ADGRV1: variants seen among roughly 807,000 people sequenced by gnomAD.
ADGRV1 encodes adhesion G protein-coupled receptor V1, also known as G-protein coupled receptor 98.
In ADGRV1, 359 loss-of-function variants were observed where a neutral mutation model predicts 596.2. The observed-to-expected ratio is 0.60, with a 90% CI of 0.55 to 0.66. The LOEUF (loss-of-function observed/expected upper bound fraction) is 0.66. ADGRV1 is among the 30% of genes least tolerant of loss of function. ADGRV1 has a pLI of 0.00. For missense variants in ADGRV1, 7,274 were observed against 7,575.6 expected (o/e 0.96, Z 1.48); for synonymous variants, 2,681 against 2,679.2 (o/e 1.00, Z -0.02).
intron 87 of ADGRV1, among the ~76,000 whole-genome samples, chr5:91,108,468 T>TG (rs70973730): frequency 0.78 from 118,438 of 152,082 alleles, 46,190 homozygotes; most frequent in South Asian, 0.83. Flanking sequence ...GCTCTAAAAC[T>TG]ATGATTGAAA....
At chr5:91,027,531 C>A (rs148121172) in intron 85 of ADGRV1, among the ~76,000 whole-genome samples, 1 of 152,220 alleles carries the variant, frequency 6.6e-6, no homozygotes, top group Non-Finnish European at 1.5e-5. Context: ...AGGACAGGCA[C>A]TCTGGAAGGA....
intron 83 of ADGRV1, among the ~76,000 whole-genome samples, chr5:90,903,488 T>C (rs2150651668): frequency 6.6e-6 from 1 of 152,178 alleles, no homozygotes; most frequent in Middle Eastern, 3.4e-3. Context: ...TTATTATTTT[T>C]GGATTAGTGA....
intron 83 of ADGRV1, among the ~76,000 whole-genome samples, chr5:90,901,359 G>C (rs190076928): frequency 6.6e-6 from 1 of 152,164 alleles, no homozygotes; most frequent in East Asian, 1.9e-4. Context: ...ATGGAAGTGA[G>C]ATATGAGTAT....
intron 1 of ADGRV1, among the ~76,000 whole-genome samples, chr5:90,595,104 G>C (rs867962399): frequency 7.5e-6 from 1 of 133,832 alleles, no homozygotes; most frequent in Non-Finnish European, 1.6e-5. Flanking sequence ...GCAGCTGGCC[G>C]GGCGGGGGGC....
Position 91,150,234 on chromosome 5 carries a change from G to C in ADGRV1, c.18624+13G>C. 1 of 1,508,988 alleles carries C rather than the reference G, an allele frequency of 6.6e-7. No homozygotes were observed. The highest frequency in any genetic ancestry group is 8.9e-7 in the Non-Finnish European group (1 of 1,126,668). 93.5% of individuals were successfully genotyped at this position (1,508,988 alleles called of 1,614,324 possible). A position where few individuals can be genotyped will look rare whatever the true frequency, so the allele number is the denominator to read the frequency against. On this transcript the variant is annotated intron_variant, in intron 88 of 89. Coordinates refer to ENST00000405460, the MANE Select transcript of ADGRV1 (RefSeq NM_032119.4). ...TGCTATGGAGGAGGTGTCTGCCCTT[G>C]CCCTTTCATTCTCTGTCTCTCTGTC... is the stretch of plus-strand genomic sequence containing the variant.
intron 85 of ADGRV1, among the ~76,000 whole-genome samples, chr5:91,047,633 T>C (rs1484246551): frequency 6.6e-6 from 1 of 152,180 alleles, no homozygotes; most frequent in Non-Finnish European, 1.5e-5. Context: ...GACTCAAATG[T>C]TGATCTCCTT....
At chr5:90,786,253 G>A (rs1034947393) in intron 67 of ADGRV1, among the ~76,000 whole-genome samples, 1 of 151,912 alleles carries the variant, frequency 6.6e-6, no homozygotes, top group Non-Finnish European at 1.5e-5. Flanking sequence ...CCTATTGGGG[G>A]GTGGGGGGCT....
chr5:90,817,294 T>A (rs985630634), intron 75 of ADGRV1, among the ~76,000 whole-genome samples: 37 of 151,498 alleles, frequency 2.4e-4, no homozygotes, highest in Non-Finnish European at 3.1e-4. Context: ...TTTGAGTTCA[T>A]TGTAGATTCT....
chr5:90,598,062 C>A (rs1267636672), intron 1 of ADGRV1, among the ~76,000 whole-genome samples: 1 of 152,096 alleles, frequency 6.6e-6, no homozygotes, highest in African/African-American at 2.4e-5. Flanking sequence ...AGTAACTATT[C>A]ACGCGGTAGT....
Position 90,645,950 on chromosome 5 carries a change from G to A in ADGRV1, c.2899-18G>A, listed in dbSNP as rs769582931. On this transcript the variant is annotated intron_variant, in intron 15 of 89. Transcript: ENST00000405460. ...ATGTATAAGTCACCTGACTTAAAAC[G>A]TGTAACATTTTCCAAAGATTCCAGA... The A allele has an allele frequency of 3.6e-5, 57 of 1,570,642 alleles. No individual in the cohort carries two copies. The highest frequency in any genetic ancestry group is 4.8e-5 in the Non-Finnish European group (56 of 1,157,458).
At chr5:90,783,716 C>G in intron 66 of ADGRV1, 122 bp from the exon 67 acceptor site, 1 of 680,514 alleles carries the variant, frequency 1.5e-6, no homozygotes, top group South Asian at 2.0e-5. Flanking sequence ...CTTCTTACCA[C>G]TTGATGTGTG....
chr5:91,141,344 CTAGT>C (rs1372644385), intron 87 of ADGRV1, among the ~76,000 whole-genome samples: 1 of 152,184 alleles, frequency 6.6e-6, no homozygotes, highest in Non-Finnish European at 1.5e-5. Flanking sequence ...ATGGTGAATA[CTAGT>C]TAATTACTTA....
intron 76 of ADGRV1, among the ~76,000 whole-genome samples, chr5:90,826,214 A>G (rs2150312297): frequency 6.6e-6 from 1 of 152,334 alleles, no homozygotes; most frequent in Admixed American, 6.5e-5. Context: ...ACTGAGACCT[A>G]ATGATATACA....
intron 21 of ADGRV1, among the ~76,000 whole-genome samples, chr5:90,669,153 G>A (rs1355152987): frequency 6.6e-6 from 1 of 152,224 alleles, no homozygotes; most frequent in African/African-American, 2.4e-5. Context: ...GCTCAGGACT[G>A]CTTGGCCTTA....
At chr5:90,796,025 C>A (rs928466645) in intron 70 of ADGRV1, among the ~76,000 whole-genome samples, 7 of 152,130 alleles carry the variant, frequency 4.6e-5, no homozygotes, top group African/African-American at 1.2e-4. Flanking sequence ...GGGGAGAAAC[C>A]AGAGCAAAAA....
intron 83 of ADGRV1, among the ~76,000 whole-genome samples, chr5:90,954,093 G>A (rs1777269425): frequency 6.6e-6 from 1 of 150,610 alleles, no homozygotes; most frequent in Non-Finnish European, 1.5e-5. Flanking sequence ...GCTTTTTAAT[G>A]ATAACAAAAT....
At chr5:90,665,009 G>T (rs919010716) in intron 21 of ADGRV1, among the ~76,000 whole-genome samples, 12 of 151,840 alleles carry the variant, frequency 7.9e-5, no homozygotes, top group African/African-American at 2.2e-4. Flanking sequence ...GCTGGATTCG[G>T]TTTGCCAGTA....
chr5:90,574,976 T>C (rs1757010274), intron 1 of ADGRV1, among the ~76,000 whole-genome samples: 1 of 152,164 alleles, frequency 6.6e-6, no homozygotes, highest in Non-Finnish European at 1.5e-5. Flanking sequence ...GATCTTCTCT[T>C]TCTGTTTCTT....
In ADGRV1 at chr5:90,788,019, G is replaced by A. The variant is rs80065657; in HGVS notation, c.13654-52G>A. 5.4e-3 allele frequency: 7,425 copies of A among 1,377,444 alleles called. 319 individuals carry two copies. In the African/African-American group the frequency reaches 0.094, roughly 17 times the overall value. The allele number at this position is 1,377,444 out of a possible 1,614,324, so 85.3% of individuals were successfully genotyped here. A position where few individuals can be genotyped will look rare whatever the true frequency, so the allele number is the denominator to read the frequency against. On this transcript the variant is annotated intron_variant, in intron 67 of 89. Coordinates refer to ENST00000405460, the MANE Select transcript of ADGRV1 (RefSeq NM_032119.4). ...ACTAGATACCCTGAAATAGTTTTTTGCTTAAAATTGATCTCTATTAAAGAA... is the reference window on the plus strand; with the variant it reads ...ACTAGATACCCTGAAATAGTTTTTTACTTAAAATTGATCTCTATTAAAGAA...
Sources: gnomAD v4.1 joint callset for allele counts (sites outside exome capture counted in the v4.1 genomes callset) on GRCh38, gnomAD v4.1.1 for gene constraint, MANE v1.5 for transcripts, NCBI Gene and HGNC (gene_info 2026-07-23, HGNC 2026-07-21) for gene names.